Variants in NEGR1 observed in about 807,000 individuals in gnomAD.
NEGR1 encodes IgLON family member 4.
A neutral mutation model predicts 40.9 loss-of-function variants in NEGR1; 10 were observed. That is an observed-to-expected ratio of 0.24 (90% CI 0.15 to 0.42). The LOEUF is 0.42. Among genes scored for constraint, NEGR1 ranks in the 10% least tolerant of loss-of-function variants. NEGR1 has a pLI of 1.00. For synonymous variants in NEGR1, 185 were observed against 166.8 expected (o/e 1.11, Z -0.84); for missense variants, 352 against 438.9 (o/e 0.80, Z 1.77).
chr1:72,098,126 C>T (rs2100237498), intron 1 of NEGR1, among the ~76,000 whole-genome samples: 1 of 152,218 alleles, frequency 6.6e-6, no homozygotes, highest in South Asian at 2.1e-4. Flanking sequence ...AATAATTGAT[C>T]TTTTAACAGG....
chr1:72,141,294 T>C (rs1055067696), intron 1 of NEGR1, among the ~76,000 whole-genome samples: 1 of 152,014 alleles, frequency 6.6e-6, no homozygotes, highest in South Asian at 2.1e-4. Flanking sequence ...GCAAAATGTA[T>C]GCATATGTCA....
intron 1 of NEGR1, among the ~76,000 whole-genome samples, chr1:72,257,784 T>G (rs1190209296): frequency 1.3e-5 from 2 of 152,204 alleles, no homozygotes; most frequent in African/African-American, 4.8e-5. Flanking sequence ...CTGATCATTC[T>G]TCCCTTGGAA....
At chr1:72,258,245 A>G (rs1018498023) in intron 1 of NEGR1, among the ~76,000 whole-genome samples, 7 of 152,150 alleles carry the variant, frequency 4.6e-5, no homozygotes, top group Non-Finnish European at 8.8e-5. Flanking sequence ...TACCAAGTGG[A>G]TAGAGGCTAA....
chr1:71,909,495 T>C (rs1261993340), intron 2 of NEGR1, among the ~76,000 whole-genome samples: 1 of 152,230 alleles, frequency 6.6e-6, no homozygotes, highest in African/African-American at 2.4e-5. Flanking sequence ...AAGAGAAATT[T>C]CTTCAATCCT....
intron 3 of NEGR1, among the ~76,000 whole-genome samples, chr1:71,737,782 G>A (rs549072205): frequency 1.3e-3 from 199 of 152,202 alleles, no homozygotes; most frequent in African/African-American, 4.6e-3. Flanking sequence ...TTACATTGCC[G>A]TTTTCCTGAA....
At chr1:71,718,581 C>T (rs1328319457) in intron 3 of NEGR1, among the ~76,000 whole-genome samples, 1 of 151,990 alleles carries the variant, frequency 6.6e-6, no homozygotes, top group African/African-American at 2.4e-5. Context: ...AGACATATTG[C>T]CTTATTTTAT....
At position 71,706,370 on chromosome 1, in the gene NEGR1, C is replaced by T. The variant is rs184446474; in HGVS notation, c.536-8231G>A. On this transcript the variant is annotated intron_variant, in intron 3 of 6. Transcript: ENST00000357731. ...GACCCCATGACTAAGGGCCAAAATG[C>T]TTTCAGTCTCTAAATAAACTTGAAA... is the stretch of plus-strand genomic sequence containing the variant. Among the ~76,000 whole-genome samples, 47 of 152,204 alleles carry T rather than the reference C, an allele frequency of 3.1e-4. No homozygotes were observed. The East Asian group carries it at 7.8e-3, about 25-fold the overall frequency.
chr1:72,057,119 G>A (rs540964245), intron 1 of NEGR1, among the ~76,000 whole-genome samples: 1 of 151,640 alleles, frequency 6.6e-6, no homozygotes, highest in South Asian at 2.1e-4. Flanking sequence ...AGTTCTCCAA[G>A]TGCCTGGCAT....
chr1:72,251,149 C>G (rs1231712396), intron 1 of NEGR1, among the ~76,000 whole-genome samples: 1 of 152,104 alleles, frequency 6.6e-6, no homozygotes, highest in Non-Finnish European at 1.5e-5. Flanking sequence ...TAGAAATTCT[C>G]TTGTGACTGT....
chr1:71,485,976 A>G (rs1646885460), intron 6 of NEGR1, among the ~76,000 whole-genome samples: 2 of 151,618 alleles, frequency 1.3e-5, no homozygotes, highest in South Asian at 4.1e-4. Flanking sequence ...TTTCTGGATC[A>G]TATGTTTAGT....
In NEGR1 at chr1:72,105,569, TAGAA is replaced by T. The variant is rs1033065775; in HGVS notation, c.177-170262_177-170259del. Among the ~76,000 whole-genome samples, 7 of 151,614 alleles carry T rather than the reference TAGAA, an allele frequency of 4.6e-5. No individual in the cohort carries two copies. The East Asian group carries it at 7.8e-4, about 17-fold the overall frequency. The stretch of plus-strand genomic sequence containing the variant: ...GTAAATAAATAAATAAATAAATAAA[TAGAA>T]AGATTTTGAAATGAAGAAAAAAACT... On this transcript the variant is annotated intron_variant, in intron 1 of 6. Coordinates refer to ENST00000357731, the MANE Select transcript of NEGR1 (RefSeq NM_173808.3).
chr1:71,879,977 T>C (rs896006042), intron 2 of NEGR1, among the ~76,000 whole-genome samples: 4 of 152,154 alleles, frequency 2.6e-5, no homozygotes, highest in Admixed American at 6.5e-5. Flanking sequence ...TAGTAAGACA[T>C]ATCTTTTCAT....
intron 1 of NEGR1, among the ~76,000 whole-genome samples, chr1:72,152,350 A>G (rs1333868179): frequency 6.6e-6 from 1 of 151,992 alleles, no homozygotes; most frequent in Admixed American, 6.6e-5. Context: ...GAACTTAGTG[A>G]AAGTGATATT....
At chr1:71,881,686 T>G (rs1305422647) in intron 2 of NEGR1, among the ~76,000 whole-genome samples, 2 of 152,148 alleles carry the variant, frequency 1.3e-5, no homozygotes, top group Non-Finnish European at 2.9e-5. Context: ...AGAAGATTGC[T>G]GTAAATGTTT....
At chr1:71,613,862 T>A (rs1409522725) in intron 4 of NEGR1, among the ~76,000 whole-genome samples, 2 of 152,178 alleles carry the variant, frequency 1.3e-5, no homozygotes. Flanking sequence ...GCACTATGGA[T>A]GTATTTTGAT....
chr1:71,793,183 CTTT>C (rs749712938), intron 2 of NEGR1, among the ~76,000 whole-genome samples: 1 of 92,758 alleles, frequency 1.1e-5, no homozygotes. Flanking sequence ...TTGGGATGTT[CTTT>C]TTTTTTTTTT....
chr1:71,665,924 A>C (rs974940211), intron 4 of NEGR1, among the ~76,000 whole-genome samples: 1 of 152,172 alleles, frequency 6.6e-6, no homozygotes. Flanking sequence ...TAAAGTCAAA[A>C]TTCTTATACA....
intron 4 of NEGR1, among the ~76,000 whole-genome samples, chr1:71,654,774 A>AT (rs1651826019): frequency 6.6e-6 from 1 of 152,202 alleles, no homozygotes; most frequent in Non-Finnish European, 1.5e-5. Flanking sequence ...CATTCTACAA[A>AT]TAAATAAAGT....
At chr1:71,568,362 C>A (rs2101489441) in intron 6 of NEGR1, among the ~76,000 whole-genome samples, 1 of 152,258 alleles carries the variant, frequency 6.6e-6, no homozygotes, top group Middle Eastern at 3.4e-3. Context: ...TGTTTCTGTT[C>A]TTTTACCTAT....
Sources: allele counts gnomAD v4.1 joint callset (sites outside exome capture counted in the v4.1 genomes callset), GRCh38; gene constraint gnomAD v4.1.1; transcripts MANE v1.5; gene names NCBI Gene and HGNC (gene_info 2026-07-23, HGNC 2026-07-21).